The following MCTP1 variants were observed in gnomAD, a reference collection of about 807,000 sequenced individuals.
The protein encoded by MCTP1 is multiple C2 and transmembrane domain-containing protein 1.
MCTP1 carries 69 observed loss-of-function variants against 120.6 expected under a neutral mutation model. The ratio of observed to expected loss-of-function variants is 0.57; its 90% CI spans 0.47 to 0.70. The LOEUF is 0.70. Among genes scored for constraint, MCTP1 ranks in the 30% least tolerant of loss-of-function variants. The pLI is 0.00. For missense variants in MCTP1, 1,203 were observed against 1,248.8 expected (o/e 0.96, Z 0.55); for synonymous variants, 529 against 493.1 (o/e 1.07, Z -0.96).
At chr5:95,260,228 A>T (rs1758346146) in intron 1 of MCTP1, among the ~76,000 whole-genome samples, 1 of 152,216 alleles carries the variant, frequency 6.6e-6, no homozygotes, top group South Asian at 2.1e-4. Flanking sequence ...ACATGACACA[A>T]ACGATGGTCA....
At chr5:95,190,002 C>A (rs191661228) in intron 1 of MCTP1, among the ~76,000 whole-genome samples, 1 of 151,888 alleles carries the variant, frequency 6.6e-6, no homozygotes, top group South Asian at 2.1e-4. Context: ...GTGGGAGAGA[C>A]GTATATATAT....
At chr5:94,849,263 T>C (rs944027719) in intron 17 of MCTP1, among the ~76,000 whole-genome samples, 3 of 152,176 alleles carry the variant, frequency 2.0e-5, no homozygotes, top group Non-Finnish European at 4.4e-5. Flanking sequence ...ATGATTATAA[T>C]AAAATATAAA....
At chr5:94,711,335 C>T (rs1756918025) in intron 20 of MCTP1, among the ~76,000 whole-genome samples, 1 of 152,082 alleles carries the variant, frequency 6.6e-6, no homozygotes, top group Admixed American at 6.6e-5. Context: ...CTCAGTATTC[C>T]CCATATTGGG....
intron 2 of MCTP1, among the ~76,000 whole-genome samples, chr5:94,981,558 T>A (rs1462454579): frequency 1.3e-5 from 2 of 152,068 alleles, no homozygotes; most frequent in African/African-American, 4.8e-5. Flanking sequence ...TCCATTCTAG[T>A]GGAGGAAGAC....
intron 1 of MCTP1, among the ~76,000 whole-genome samples, chr5:95,270,279 C>T (rs562540171): frequency 2.6e-5 from 4 of 152,270 alleles, no homozygotes; most frequent in African/African-American, 9.6e-5. Context: ...GTGACATAGA[C>T]CTGGGTCCAT....
intron 8 of MCTP1, among the ~76,000 whole-genome samples, chr5:94,917,584 A>G (rs1392567111): frequency 1.3e-5 from 2 of 152,198 alleles, no homozygotes; most frequent in African/African-American, 2.4e-5. Flanking sequence ...ATCCACTTTC[A>G]TAAGGAGTAT....
chr5:95,139,059 C>T (rs1007157135), intron 1 of MCTP1, among the ~76,000 whole-genome samples: 2 of 151,984 alleles, frequency 1.3e-5, no homozygotes, highest in African/African-American at 4.8e-5. Context: ...TTGTATAAAA[C>T]ATTTAGGGTT....
intron 1 of MCTP1, among the ~76,000 whole-genome samples, chr5:95,061,687 G>A (rs1414271496): frequency 1.3e-5 from 2 of 151,630 alleles, no homozygotes; most frequent in Non-Finnish European, 2.9e-5. Flanking sequence ...CGCCCGCCTC[G>A]GCCTCCCAAA....
At chr5:95,094,720 A>G (rs1194357816) in intron 1 of MCTP1, among the ~76,000 whole-genome samples, 1 of 152,188 alleles carries the variant, frequency 6.6e-6, no homozygotes, top group African/African-American at 2.4e-5. Flanking sequence ...ATACCAAACT[A>G]TAAATAAAAA....
intron 2 of MCTP1, among the ~76,000 whole-genome samples, chr5:94,985,650 C>T (rs1830301244): frequency 6.6e-6 from 1 of 152,158 alleles, no homozygotes; most frequent in African/African-American, 2.4e-5. Flanking sequence ...GTGAAGTGGG[C>T]CTGGCTTTTA....
At chr5:95,001,649 G>A (rs1460450338) in intron 2 of MCTP1, among the ~76,000 whole-genome samples, 1 of 152,148 alleles carries the variant, frequency 6.6e-6, no homozygotes, top group Non-Finnish European at 1.5e-5. Flanking sequence ...GAGATCTGTG[G>A]AATTTTGAAC....
In MCTP1 at chr5:94,714,880, C is replaced by T; in HGVS notation, c.2617G>A (p.Glu873Lys). The change falls in exon 20 of 23, where the codon GAA (glutamate) becomes AAA (lysine). Residue 873 changes from glutamate to lysine, a missense_variant. Glu to Lys is a moderately conservative substitution (Grantham distance 56). Transcript: ENST00000515393. ...EEDDKDDKDSEKKGFINKIYA... is the reference protein window; with the variant it reads ...EEDDKDDKDSKKKGFINKIYA... Reference sequence around the variant, plus strand: ...ATTTTATTTATAAATCCCTTTTTTTCACTGTCCTAAAATGCAATAAAAAAG... The same window carrying T: ...ATTTTATTTATAAATCCCTTTTTTTTACTGTCCTAAAATGCAATAAAAAAG... 6.3e-7 allele frequency: 1 copy of T among 1,595,262 alleles called. No homozygotes were observed. Among genetic ancestry groups the T allele is most frequent in the Non-Finnish European group, 8.6e-7 (1 of 1,163,202 alleles).
chr5:95,169,575 C>T (rs186125719), intron 1 of MCTP1, among the ~76,000 whole-genome samples: 109 of 152,184 alleles, frequency 7.2e-4, no homozygotes, highest in African/African-American at 2.3e-3. Flanking sequence ...AATTTAAGAG[C>T]CTGTTATTGG....
At chr5:94,725,896 GT>G (rs1441962146) in intron 19 of MCTP1, among the ~76,000 whole-genome samples, 16 of 152,068 alleles carry the variant, frequency 1.1e-4, no homozygotes, top group African/African-American at 3.9e-4. Context: ...AATATTAGTC[GT>G]TAATATTATT....
At chr5:95,229,487 ACT>A (rs1239993590) in intron 1 of MCTP1, among the ~76,000 whole-genome samples, 2 of 151,946 alleles carry the variant, frequency 1.3e-5, no homozygotes, top group Non-Finnish European at 2.9e-5. Context: ...AAGTTTGGTT[ACT>A]CACGCCTGTA....
chr5:95,014,015 A>C (rs1417797513), intron 2 of MCTP1, among the ~76,000 whole-genome samples: 1 of 151,936 alleles, frequency 6.6e-6, no homozygotes, highest in Non-Finnish European at 1.5e-5. Context: ...ATCCTCAGCA[A>C]CTTGGGAGTC....
intron 17 of MCTP1, among the ~76,000 whole-genome samples, chr5:94,840,446 C>T (rs1017257204): frequency 1.3e-5 from 2 of 152,276 alleles, no homozygotes; most frequent in Non-Finnish European, 2.9e-5. Flanking sequence ...TTTAGATCTT[C>T]CAAGAGAAGA....
In MCTP1 at chr5:95,088,030, T is replaced by C. The variant is rs561769157; in HGVS notation, c.721-70546A>G. Among the ~76,000 whole-genome samples the C allele has an allele frequency of 1.6e-4, 25 of 152,342 alleles. No individual in the cohort carries two copies. In the South Asian group the frequency reaches 5.2e-3, roughly 32 times the overall value. ...GCTGGGTGGGAAGATGAGCCGCCCA[T>C]CTTCAGCTGTTTCACTTCTCATTCT... On this transcript the variant is annotated intron_variant, in intron 1 of 22. Transcript: ENST00000515393.
intron 2 of MCTP1, among the ~76,000 whole-genome samples, chr5:94,968,482 A>G (rs1437120): frequency 0.38 from 57,153 of 152,010 alleles, 10,928 homozygotes; most frequent in Middle Eastern, 0.43. Context: ...TTTCAAGATT[A>G]TATTATTATT....
Sources: allele counts gnomAD v4.1 joint callset (sites outside exome capture counted in the v4.1 genomes callset), GRCh38; gene constraint gnomAD v4.1.1; transcripts MANE v1.5; gene names NCBI Gene and HGNC (gene_info 2026-07-23, HGNC 2026-07-21).